Variants in MESD observed in about 807,000 individuals in gnomAD.
The protein encoded by MESD is LRP chaperone MESD.
MESD carries 7 observed loss-of-function variants against 12.9 expected under a neutral mutation model. That is an observed-to-expected ratio of 0.54 (90% CI 0.31 to 1.02). The LOEUF (loss-of-function observed/expected upper bound fraction) is 1.02, where lower values mean the gene tolerates loss of function less well. Among genes scored for constraint, MESD ranks in the 50% least tolerant of loss-of-function variants. MESD has a pLI of 0.05. For synonymous variants in MESD, 126 were observed against 115.6 expected, an observed-to-expected ratio of 1.09 and a Z score of -0.58; for missense variants, 342 against 296.7, an observed-to-expected ratio of 1.15 and a Z score of -1.12.
At chr15:80,981,882 T>TAAC in intron 2 of MESD, 68 bp downstream of exon 2, 2 of 1,058,468 alleles carry the variant, frequency 1.9e-6, no homozygotes, top group Non-Finnish European at 2.8e-6. Context: ...TCATCATAAT[T>TAAC]AATAATAATA....
At chr15:80,957,655 A>C (rs1293306589) in intron 3 of MESD, among the ~76,000 whole-genome samples, 1 of 152,116 alleles carries the variant, frequency 6.6e-6, no homozygotes, top group Non-Finnish European at 1.5e-5. Flanking sequence ...AGAGACCAAC[A>C]AGTCCTAAGA....
chr15:80,965,154 C>T (rs531672660), intron 3 of MESD, among the ~76,000 whole-genome samples: 20 of 152,272 alleles, frequency 1.3e-4, no homozygotes, highest in African/African-American at 4.8e-4. Context: ...AGGATATGAA[C>T]AGACACTTCT....
intron 1 of MESD, among the ~76,000 whole-genome samples, chr15:80,989,023 A>G (rs565245448): frequency 6.6e-6 from 1 of 152,350 alleles, no homozygotes; most frequent in African/African-American, 2.4e-5. Flanking sequence ...TTCTCCCCTC[A>G]GTAAAATAAA....
At chr15:80,988,911 T>G (rs1050467210) in intron 1 of MESD, among the ~76,000 whole-genome samples, 4 of 152,196 alleles carry the variant, frequency 2.6e-5, no homozygotes, top group African/African-American at 7.2e-5. Flanking sequence ...ACACTCCCTG[T>G]AACTGCACAC....
intron 3 of MESD, chr15:80,952,387 A>G (rs887338433): frequency 9.7e-6 from 3 of 309,680 alleles, no homozygotes; most frequent in Non-Finnish European, 1.9e-5. Context: ...CACTAGCTTC[A>G]TGGGGCTACC....
chr15:80,966,132 A>C (rs1037040651), intron 3 of MESD, among the ~76,000 whole-genome samples: 1 of 152,224 alleles, frequency 6.6e-6, no homozygotes, highest in African/African-American at 2.4e-5. Context: ...AAAGTTTTTG[A>C]AAGTTAGAAA....
downstream of MESD, chr15:80,947,020 A>G: frequency 6.2e-7 from 1 of 1,614,170 alleles, no homozygotes; most frequent in Non-Finnish European, 8.5e-7. Context: ...CCCATGGACC[A>G]GAGTGCTGGA....
downstream of MESD, among the ~76,000 whole-genome samples, chr15:80,973,242 T>C (rs991212177): frequency 1.3e-5 from 2 of 152,150 alleles, no homozygotes; most frequent in Non-Finnish European, 2.9e-5. Flanking sequence ...ACTTTTAACA[T>C]TGCTGTGCTA....
intron 1 of MESD, 115 bp from the exon 2 acceptor site, chr15:80,982,297 T>TA: frequency 1.3e-6 from 1 of 795,186 alleles, no homozygotes; most frequent in Non-Finnish European, 2.0e-6. Flanking sequence ...AATTACAACA[T>TA]AAAAAGGAAA....
chr15:80,981,787 G>A (rs186240714), intron 2 of MESD, among the ~76,000 whole-genome samples, 163 bp downstream of exon 2: 7 of 152,214 alleles, frequency 4.6e-5, no homozygotes, highest in South Asian at 4.2e-4. Flanking sequence ...CCAGGGAGGC[G>A]GAGGTTGCAG....
intron 3 of MESD, among the ~76,000 whole-genome samples, chr15:80,955,446 C>T (rs1378995722): frequency 2.0e-4 from 28 of 137,904 alleles, no homozygotes; most frequent in African/African-American, 6.6e-4. Flanking sequence ...GCCGAGATTG[C>T]GCCACTGCAC....
chr15:80,986,957 T>A (rs1024607468), intron 1 of MESD, among the ~76,000 whole-genome samples: 6 of 152,216 alleles, frequency 3.9e-5, no homozygotes, highest in Non-Finnish European at 8.8e-5. Context: ...CCATTTAATA[T>A]ACAAGGAAGA....
At chr15:80,947,889 C>T (rs1901631134) in exon 5 of MESD, 1 of 152,172 alleles carries the variant, frequency 6.6e-6, no homozygotes, top group Non-Finnish European at 1.5e-5. Flanking sequence ...GGACTTGGAT[C>T]CTAATCTTCC....
At chr15:80,952,184 T>C (rs1567117640) in exon 4 of MESD, 1 of 456,256 alleles carries the variant, frequency 2.2e-6, no homozygotes, top group Admixed American at 2.3e-5. Context: ...CCAAACACGT[T>C]TGACAAGAGC....
At chr15:80,966,449 G>A (rs1902176877) in intron 3 of MESD, among the ~76,000 whole-genome samples, 1 of 152,194 alleles carries the variant, frequency 6.6e-6, no homozygotes, top group Non-Finnish European at 1.5e-5. Context: ...AGAGCCAGTG[G>A]CAGAGGCCCT....
chr15:80,984,966 A>G (rs534441222), intron 1 of MESD, among the ~76,000 whole-genome samples: 1 of 152,350 alleles, frequency 6.6e-6, no homozygotes, highest in South Asian at 2.1e-4. Context: ...TCAGTTTTGC[A>G]TAACTAGCTG....
chr15:80,969,279 T>G (rs58197696), intron 3 of MESD, among the ~76,000 whole-genome samples: 2,156 of 152,256 alleles, frequency 0.014, 52 homozygotes, highest in African/African-American at 0.049. Flanking sequence ...GTCCAGAGCT[T>G]GCACACAGTA....
intron 3 of MESD, among the ~76,000 whole-genome samples, chr15:80,969,036 A>T (rs933841386): frequency 2.0e-5 from 3 of 152,208 alleles, no homozygotes; most frequent in Admixed American, 6.5e-5. Flanking sequence ...AAAAAATATT[A>T]AAAAATTAGC....
rs189999732 is a variant in MESD at position 80,982,481 on chromosome 15, T to C, written c.214-299A>G. 7.9e-5 allele frequency among the ~76,000 whole-genome samples: 12 copies of C among 152,344 alleles called. No individual in the cohort carries two copies. The East Asian group carries it at 2.3e-3, about 29-fold the overall frequency. On this transcript the variant is annotated intron_variant, in intron 1 of 2. Transcript: ENST00000261758. The stretch of plus-strand genomic sequence containing the variant: ...GTAGGCTGTAAAAATGGCCACATTC[T>C]GGTATGGTCACACAATGAAATACTT...
Sources: gnomAD v4.1 joint callset for allele counts (sites outside exome capture counted in the v4.1 genomes callset) on GRCh38, gnomAD v4.1.1 for gene constraint, MANE v1.5 for transcripts, NCBI Gene and HGNC (gene_info 2026-07-23, HGNC 2026-07-21) for gene names.